ARID5B: variants seen among roughly 807,000 people sequenced by gnomAD.
The protein encoded by ARID5B is AT-rich interactive domain-containing protein 5B.
A neutral mutation model predicts 97.2 loss-of-function variants in ARID5B; 13 were observed. The ratio of observed to expected loss-of-function variants is 0.13; its 90% confidence interval spans 0.09 to 0.21. The LOEUF is 0.21. Among genes scored for constraint, ARID5B ranks in the 10% least tolerant of loss-of-function variants. ARID5B has a pLI of 1.00. For missense variants in ARID5B, 1,210 were observed against 1,465.3 expected (o/e 0.83, Z 2.84); for synonymous variants, 556 against 570.3 (o/e 0.97, Z 0.36).
intron 4 of ARID5B, among the ~76,000 whole-genome samples, chr10:62,008,392 C>T (rs1280857481): frequency 2.6e-5 from 4 of 152,196 alleles, no homozygotes; most frequent in Non-Finnish European, 2.9e-5. Flanking sequence ...CCAGACCCTG[C>T]TCAGAAAGAG....
chr10:62,089,674 CCCA>C (rs1349882126), intron 9 of ARID5B, among the ~76,000 whole-genome samples: 6 of 151,890 alleles, frequency 4.0e-5, no homozygotes, highest in Non-Finnish European at 8.8e-5. Flanking sequence ...ATTACAGGCA[CCCA>C]CCACCACACC....
chr10:62,091,782 T>C lies in ARID5B; in HGVS notation c.2319T>C (p.Phe773=), dbSNP rs1360468736. 1 of 1,614,082 alleles carries C rather than the reference T, an allele frequency of 6.2e-7. No homozygotes were observed. Among genetic ancestry groups the C allele is most frequent in the Non-Finnish European group, 8.5e-7 (1 of 1,179,998 alleles). Reference sequence around the variant, plus strand: ...AGAGAAAGACCATCAATGACATCTTTAAGCATGAGAAACTGAGTCGATCAG... The same window carrying C: ...AGAGAAAGACCATCAATGACATCTTCAAGCATGAGAAACTGAGTCGATCAG... The part of the protein sequence containing the change: ...SEERKTINDI[F]KHEKLSRSDP... Residue 773 remains phenylalanine, a synonymous_variant, in exon 10 of 10, where the codon TTT becomes TTC. Transcript: ENST00000279873.
intron 3 of ARID5B, among the ~76,000 whole-genome samples, chr10:61,996,838 C>G (rs1338724298): frequency 6.6e-6 from 1 of 150,684 alleles, no homozygotes; most frequent in East Asian, 1.9e-4. Flanking sequence ...GTTCTATGTA[C>G]TGGGGGGTTA....
chr10:61,956,120 G>A (rs1838388022), intron 3 of ARID5B, among the ~76,000 whole-genome samples: 1 of 152,190 alleles, frequency 6.6e-6, no homozygotes, highest in Non-Finnish European at 1.5e-5. Flanking sequence ...TCCCCGGGCT[G>A]TGGACTGGTA....
intron 6 of ARID5B, among the ~76,000 whole-genome samples, chr10:62,058,024 A>C (rs1264776690): frequency 1.3e-5 from 2 of 152,208 alleles, no homozygotes; most frequent in Non-Finnish European, 2.9e-5. Context: ...CTCTGGCTTG[A>C]AATAGTATTT....
chr10:61,964,297 C>G (rs1415308798), intron 3 of ARID5B, among the ~76,000 whole-genome samples: 1 of 152,094 alleles, frequency 6.6e-6, no homozygotes, highest in East Asian at 1.9e-4. Context: ...GGAGATGGGG[C>G]AGCAGCTATT....
At chr10:61,946,596 C>A (rs1375281006) in intron 3 of ARID5B, among the ~76,000 whole-genome samples, 2 of 152,122 alleles carry the variant, frequency 1.3e-5, no homozygotes, top group Non-Finnish European at 2.9e-5. Context: ...TCATGAATAT[C>A]ATGAAGAATC....
intron 5 of ARID5B, among the ~76,000 whole-genome samples, chr10:62,055,700 C>T (rs969255358): frequency 6.6e-6 from 1 of 152,138 alleles, no homozygotes; most frequent in Non-Finnish European, 1.5e-5. Flanking sequence ...AAAATCCTAC[C>T]TAGAAGCCCC....
chr10:61,927,936 C>G (rs1008987279), intron 2 of ARID5B, among the ~76,000 whole-genome samples: 3 of 152,170 alleles, frequency 2.0e-5, no homozygotes, highest in African/African-American at 7.2e-5. Flanking sequence ...GGGAGGCTGA[C>G]CTATGCGGGC....
At position 62,059,295 on chromosome 10, in the gene ARID5B, A is replaced by G. The variant is rs1489736331; in HGVS notation, c.1101A>G (p.Thr367=). The G allele has an allele frequency of 6.2e-7, 1 of 1,611,670 alleles. No homozygotes were observed. The highest frequency in any genetic ancestry group is 8.5e-7 in the Non-Finnish European group (1 of 1,178,478). Reference sequence around the variant, plus strand: ...CTCAAAAACTGGGAGGATATGAAACAGTAAGTGTTTAAGCAACTTAAATGA... The same window carrying G: ...CTCAAAAACTGGGAGGATATGAAACGGTAAGTGTTTAAGCAACTTAAATGA... The part of the protein sequence containing the change: ...QAAQKLGGYE[T]ITARRQWKHI... The change falls in exon 7 of 10, where the codon ACA becomes ACG. Residue 367 remains threonine (T), a splice_region_variant and synonymous_variant. Coordinates refer to ENST00000279873, the MANE Select transcript of ARID5B (RefSeq NM_032199.3).
intron 3 of ARID5B, among the ~76,000 whole-genome samples, chr10:61,982,091 G>A (rs906548064): frequency 3.3e-5 from 5 of 152,168 alleles, no homozygotes; most frequent in African/African-American, 9.7e-5. Context: ...TCCACGTGTT[G>A]GAAGAAGCAG....
At chr10:61,927,981 G>A (rs145953928) in intron 2 of ARID5B, among the ~76,000 whole-genome samples, 5 of 152,284 alleles carry the variant, frequency 3.3e-5, no homozygotes, top group Non-Finnish European at 5.9e-5. Flanking sequence ...TGTGGTTTCC[G>A]GTGGGGTTTA....
intron 4 of ARID5B, chr10:62,024,656 A>AT (rs1338219499): frequency 3.7e-4 from 141 of 381,868 alleles, no homozygotes; most frequent in Middle Eastern, 1.3e-3. Context: ...ATATTTTCTG[A>AT]TTTTTTTTTC....
intron 5 of ARID5B, among the ~76,000 whole-genome samples, chr10:62,052,626 T>A (rs1839805005): frequency 6.6e-6 from 1 of 152,186 alleles, no homozygotes; most frequent in South Asian, 2.1e-4. Context: ...AATGTTTCTT[T>A]CCATGGAAGG....
intron 3 of ARID5B, among the ~76,000 whole-genome samples, chr10:61,943,080 A>G (rs1844440891): frequency 1.3e-5 from 2 of 152,208 alleles, no homozygotes; most frequent in African/African-American, 4.8e-5. Flanking sequence ...TTGTAATTGG[A>G]ATGCACACTG....
intron 3 of ARID5B, among the ~76,000 whole-genome samples, chr10:61,993,641 T>C (rs1272812358): frequency 6.6e-6 from 1 of 152,108 alleles, no homozygotes; most frequent in East Asian, 1.9e-4. Flanking sequence ...TCAGTAATAA[T>C]AAAAAATGCA....
intron 3 of ARID5B, among the ~76,000 whole-genome samples, chr10:61,998,745 C>A (rs1014312547): frequency 6.6e-6 from 1 of 152,022 alleles, no homozygotes; most frequent in African/African-American, 2.4e-5. Context: ...TGCCAAGTTA[C>A]CAGATGGATT....
intron 7 of ARID5B, among the ~76,000 whole-genome samples, chr10:62,060,015 G>T (rs535318673): frequency 6.6e-6 from 1 of 152,218 alleles, no homozygotes; most frequent in Admixed American, 6.5e-5. Context: ...ATAATCAATT[G>T]ACATAGGAAG....
At chr10:62,077,147 A>G (rs1395872646) in intron 8 of ARID5B, among the ~76,000 whole-genome samples, 1 of 152,186 alleles carries the variant, frequency 6.6e-6, no homozygotes, top group Non-Finnish European at 1.5e-5. Context: ...GAGTAGCTTC[A>G]TCTTGTCATC....
Sources: gnomAD v4.1 joint callset for allele counts (sites outside exome capture counted in the v4.1 genomes callset) on GRCh38, gnomAD v4.1.1 for gene constraint, MANE v1.5 for transcripts, NCBI Gene and HGNC (gene_info 2026-07-23, HGNC 2026-07-21) for gene names.